Variants in LYPLA1 observed in about 807,000 individuals in gnomAD.
LYPLA1 encodes acyl-protein thioesterase 1.
Under a neutral mutation model 34.0 loss-of-function variants are expected in LYPLA1, and 17 were observed. The ratio of observed to expected loss-of-function variants is 0.50; its 90% CI spans 0.34 to 0.75. The LOEUF is 0.75. LYPLA1 is among the 30% of genes least tolerant of loss of function. The pLI, the probability that LYPLA1 is intolerant of heterozygous loss-of-function variation, is 0.01. For missense variants in LYPLA1, 203 were observed against 288.8 expected (o/e 0.70, Z 2.15); for synonymous variants, 98 against 100.8 (o/e 0.97, Z 0.17).
At chr8:54,086,901 A>C (rs1415986143) in intron 2 of LYPLA1, among the ~76,000 whole-genome samples, 5 of 152,160 alleles carry the variant, frequency 3.3e-5, no homozygotes, top group Non-Finnish European at 5.9e-5. Context: ...AAATCCTAAA[A>C]ACTACCAAAC....
chr8:54,101,334 A>T (rs1383647430), intron 1 of LYPLA1: 1 of 1,077,672 alleles, frequency 9.3e-7, no homozygotes, highest in Non-Finnish European at 1.1e-6. Context: ...GTTTTCTAAA[A>T]AACAGTACGT....
intron 8 of LYPLA1, among the ~76,000 whole-genome samples, chr8:54,049,766 T>TC (rs1371411901): frequency 6.6e-6 from 1 of 152,204 alleles, no homozygotes; most frequent in African/African-American, 2.4e-5. Context: ...CTCTTCTTCC[T>TC]GTTTACCAAA....
At chr8:54,065,284 C>A (rs1044168309) in intron 3 of LYPLA1, among the ~76,000 whole-genome samples, 1 of 151,796 alleles carries the variant, frequency 6.6e-6, no homozygotes, top group Non-Finnish European at 1.5e-5. Context: ...ATGGTGAAAC[C>A]CTGCCTCTAC....
chr8:54,076,149 A>ATGCC (rs1438193224), intron 2 of LYPLA1, among the ~76,000 whole-genome samples: 2 of 151,092 alleles, frequency 1.3e-5, no homozygotes, highest in African/African-American at 5.0e-5. Flanking sequence ...GAAACTATTA[A>ATGCC]ATGCTCTTAA....
intron 2 of LYPLA1, chr8:54,073,129 G>A (rs1199880255): frequency 4.2e-6 from 3 of 716,812 alleles, no homozygotes; most frequent in Non-Finnish European, 7.9e-6. Context: ...TCCATCTCAG[G>A]GAGACCTGGC....
intron 7 of LYPLA1, among the ~76,000 whole-genome samples, chr8:54,052,126 C>T (rs1209748059): frequency 2.0e-5 from 3 of 152,156 alleles, no homozygotes; most frequent in Non-Finnish European, 4.4e-5. Context: ...GCTGGGATTA[C>T]AGGCATGAGC....
At chr8:54,060,665 CTAACAT>C (rs1399373943) in intron 5 of LYPLA1, among the ~76,000 whole-genome samples, 2 of 150,104 alleles carry the variant, frequency 1.3e-5, no homozygotes, top group Non-Finnish European at 3.0e-5. Flanking sequence ...TATTACCGCA[CTAACAT>C]TAACAACTTT....
At position 54,052,672 on chromosome 8, in the gene LYPLA1, G is replaced by A. The variant is rs139689905; in HGVS notation, c.445C>T (p.Arg149Trp). Residue 149 changes from arginine (R) to tryptophan (W), a missense_variant, in exon 7 of 9, where the codon CGG (arginine) becomes TGG (tryptophan). This residue lies in a region of LYPLA1 where 123 missense variants were observed against 199.2 expected (regional missense o/e 0.62). Coordinates refer to ENST00000316963, the MANE Select transcript of LYPLA1 (RefSeq NM_006330.4). ...VTALSCWLPL[R>W]ASFPQGPIGG... ...CAAGTTACCTGTGGAAAGGAAGCCC[G>A]AAGTGGAAGCCAGCAACTGAGTGCA... The A allele has an allele frequency of 6.6e-5, 107 of 1,613,356 alleles. No homozygotes were observed. The East Asian group carries it at 7.4e-4, about 11-fold the overall frequency.
chr8:54,094,630 CTAG>C (rs1430404357), intron 2 of LYPLA1, among the ~76,000 whole-genome samples: 6 of 152,160 alleles, frequency 3.9e-5, no homozygotes, highest in African/African-American at 1.4e-4. Flanking sequence ...CTGCAAGGGT[CTAG>C]ATCTGGGAGC....
intron 2 of LYPLA1, among the ~76,000 whole-genome samples, chr8:54,080,511 C>T (rs1808232027): frequency 6.6e-6 from 1 of 152,202 alleles, no homozygotes; most frequent in Non-Finnish European, 1.5e-5. Flanking sequence ...TTTATGTTTA[C>T]ACTTACGAAG....
chr8:54,084,740 GATT>G (rs1808577956), intron 2 of LYPLA1, among the ~76,000 whole-genome samples: 1 of 152,112 alleles, frequency 6.6e-6, no homozygotes, highest in Non-Finnish European at 1.5e-5. Flanking sequence ...ACATAGAAAA[GATT>G]ATAAGAGAAC....
chr8:54,082,128 G>A (rs1314112267), intron 2 of LYPLA1, among the ~76,000 whole-genome samples: 1 of 152,166 alleles, frequency 6.6e-6, no homozygotes, highest in Non-Finnish European at 1.5e-5. Context: ...GGAGAAACAA[G>A]ATATAAACAT....
rs747297275 is a variant in LYPLA1 at position 54,101,855 on chromosome 8, G to C, written c.-32C>G. ...CCTCAGCTCACAGCGCAAGCGGAAG[G>C]AAGAGCGGGCGCCCGGCCGCGGCCC... On this transcript the variant is annotated 5_prime_UTR_variant, in exon 1 of 9. Coordinates refer to ENST00000316963, the MANE Select transcript of LYPLA1 (RefSeq NM_006330.4). 9.8e-6 allele frequency: 12 copies of C among 1,225,138 alleles called. No homozygotes were observed. The highest frequency in any genetic ancestry group is 1.1e-5 in the Non-Finnish European group (11 of 970,514). 75.9% of individuals were successfully genotyped at this position (1,225,138 alleles called of 1,614,324 possible).
intron 7 of LYPLA1, among the ~76,000 whole-genome samples, chr8:54,052,007 C>T (rs902215793): frequency 6.6e-6 from 1 of 151,852 alleles, no homozygotes; most frequent in African/African-American, 2.4e-5. Flanking sequence ...TGCACCACGA[C>T]GCCCAGCTAA....
At chr8:54,085,576 G>A (rs759201806) in intron 2 of LYPLA1, among the ~76,000 whole-genome samples, 2 of 150,530 alleles carry the variant, frequency 1.3e-5, no homozygotes, top group Non-Finnish European at 3.0e-5. Flanking sequence ...TGTGGGGAGC[G>A]CCTCTGCCCT....
chr8:54,097,590 T>C (rs921744083), intron 2 of LYPLA1, among the ~76,000 whole-genome samples: 8 of 152,220 alleles, frequency 5.3e-5, no homozygotes, highest in Admixed American at 4.6e-4. Flanking sequence ...TCTGTGATTA[T>C]ATAATGTTTA....
chr8:54,095,092 C>T (rs1340956472), intron 2 of LYPLA1, among the ~76,000 whole-genome samples: 1 of 151,718 alleles, frequency 6.6e-6, no homozygotes, highest in Non-Finnish European at 1.5e-5. Flanking sequence ...ACAGTGGCAC[C>T]ATCTTGGCTC....
At chr8:54,077,977 G>A (rs1808031329) in intron 2 of LYPLA1, among the ~76,000 whole-genome samples, 1 of 152,050 alleles carries the variant, frequency 6.6e-6, no homozygotes, top group South Asian at 2.1e-4. Context: ...TTGAGACAGA[G>A]TCTTACTCTG....
intron 6 of LYPLA1, chr8:54,052,984 A>G (rs1025459368): frequency 2.0e-5 from 9 of 459,304 alleles, no homozygotes; most frequent in African/African-American, 1.7e-4. Context: ...CATAGTTTGT[A>G]CCATGGGAAA....
Sources: allele counts gnomAD v4.1 joint callset (sites outside exome capture counted in the v4.1 genomes callset), GRCh38; gene constraint gnomAD v4.1.1; regional missense constraint gnomAD v4.1.1; transcripts MANE v1.5; gene names NCBI Gene and HGNC (gene_info 2026-07-23, HGNC 2026-07-21).